DOCK1: variants seen among roughly 807,000 people sequenced by gnomAD.
DOCK1 encodes dedicator of cytokinesis protein 1.
A neutral mutation model predicts 262.7 loss-of-function variants in DOCK1; 138 were observed. The ratio of observed to expected loss-of-function variants is 0.53; its 90% CI spans 0.46 to 0.61. The LOEUF is 0.61. DOCK1 is among the 20% of genes least tolerant of loss of function. The pLI is 0.00. For missense variants in DOCK1, 1,908 were observed against 2,370.7 expected (o/e 0.80, Z 4.05); for synonymous variants, 866 against 867.4 (o/e 1.00, Z 0.03).
At chr10:127,006,112 T>C (rs2040997680) in intron 10 of DOCK1, among the ~76,000 whole-genome samples, 1 of 152,204 alleles carries the variant, frequency 6.6e-6, no homozygotes, top group South Asian at 2.1e-4. Context: ...GCATCCCACC[T>C]GTGCCTGTTT....
At chr10:127,426,149 C>A in intron 47 of DOCK1, 138 bp downstream of exon 47, 2 of 1,451,224 alleles carry the variant, frequency 1.4e-6, no homozygotes, top group Non-Finnish European at 1.9e-6. Context: ...TGAGGGAGCT[C>A]AGCCCCCTTG....
In DOCK1 at chr10:127,437,045, C is replaced by T. The variant is rs572192244; in HGVS notation, c.5061-1982C>T. 2.0e-5 allele frequency among the ~76,000 whole-genome samples: 3 copies of T among 152,258 alleles called. No homozygotes were observed. The highest frequency in any genetic ancestry group is 3.9e-4 in the East Asian group (2 of 5,186). ...GCGTGCCCTATCGCATTGTTTAATT[C>T]GCGTCTCGATTCTCCATATTCCCTG... is the stretch of plus-strand genomic sequence containing the variant. On this transcript the variant is annotated intron_variant, in intron 48 of 51. Transcript: ENST00000623213. The surrounding 1 kb of genome is among the most constrained non-coding windows in gnomAD (Gnocchi z 4.4).
chr10:127,017,376 CACAG>C (rs753293660), intron 12 of DOCK1, among the ~76,000 whole-genome samples: 9 of 151,894 alleles, frequency 5.9e-5, no homozygotes, highest in Non-Finnish European at 1.3e-4. Flanking sequence ...CAGATACAGA[CACAG>C]ACATACATAC....
intron 6 of DOCK1, among the ~76,000 whole-genome samples, chr10:126,994,111 A>G (rs2039999339): frequency 6.6e-6 from 1 of 152,152 alleles, no homozygotes. Flanking sequence ...AGAGGCACCT[A>G]TGGTTAATTT....
Position 126,905,573 on chromosome 10 carries a change from G to C in DOCK1, c.46+10G>C, listed in dbSNP as rs765269037. On this transcript the variant is annotated intron_variant, in intron 1 of 51. Coordinates refer to ENST00000623213, the MANE Select transcript of DOCK1 (RefSeq NM_001290223.2). ...GAGAAGTACGGCGTGGGTGAGCAGC[G>C]CCGCCGCCGCCGCGCCTCTCGCCCC... The C allele has an allele frequency of 1.1e-5, 4 of 366,994 alleles. No individual in the cohort carries two copies. The South Asian group carries it at 2.4e-4, about 22-fold the overall frequency. The allele number at this position is 366,994 out of a possible 1,614,324, so 22.7% of individuals were successfully genotyped here.
At chr10:127,167,116 C>G (rs1298470089) in intron 27 of DOCK1, among the ~76,000 whole-genome samples, 1 of 151,852 alleles carries the variant, frequency 6.6e-6, no homozygotes, top group Non-Finnish European at 1.5e-5. Context: ...TTTTTAAGAA[C>G]TTAAAAGTAG....
chr10:127,195,343 C>T (rs535376739), intron 27 of DOCK1, among the ~76,000 whole-genome samples: 4 of 152,306 alleles, frequency 2.6e-5, no homozygotes, highest in African/African-American at 9.6e-5. Context: ...ACGCCTGTCC[C>T]GGTCTGACTC....
At chr10:127,450,340 G>C (rs2070873530) in intron 51 of DOCK1, among the ~76,000 whole-genome samples, 1 of 152,186 alleles carries the variant, frequency 6.6e-6, no homozygotes, top group Admixed American at 6.5e-5. Flanking sequence ...CCCACACTGA[G>C]AGGCTGATAA....
intron 18 of DOCK1, among the ~76,000 whole-genome samples, chr10:127,033,110 A>C (rs2043354694): frequency 6.6e-6 from 1 of 152,218 alleles, no homozygotes; most frequent in African/African-American, 2.4e-5. Context: ...GGGTTACATG[A>C]ACAGTGGGCT....
rs558795209 is a variant in DOCK1 at position 127,409,766 on chromosome 10, C to T, written c.4343+375C>T. Among the ~76,000 whole-genome samples the T allele has an allele frequency of 2.6e-5, 4 of 152,284 alleles. No homozygotes were observed. In the South Asian group the frequency reaches 6.2e-4, roughly 24 times the overall value. ...TGTTCCCAGCAAAGCCAAGTTCATA[C>T]ATGTGAGTGTGGCCTGAATGTTTGC... On this transcript the variant is annotated intron_variant, in intron 42 of 51. Coordinates refer to ENST00000623213, the MANE Select transcript of DOCK1 (RefSeq NM_001290223.2).
chr10:127,429,366 C>A (rs1440442334), intron 47 of DOCK1, among the ~76,000 whole-genome samples: 2 of 152,116 alleles, frequency 1.3e-5, no homozygotes, highest in Non-Finnish European at 2.9e-5. Context: ...GGCAGGTCCC[C>A]TTGTCCTTCC....
chr10:126,917,543 T>C (rs1450378436), intron 1 of DOCK1, among the ~76,000 whole-genome samples: 1 of 152,146 alleles, frequency 6.6e-6, no homozygotes, highest in Admixed American at 6.5e-5. Context: ...CCGGTCACAG[T>C]CTGCAATTCC....
At chr10:127,048,461 T>C (rs2044492172) in intron 21 of DOCK1, among the ~76,000 whole-genome samples, 1 of 152,180 alleles carries the variant, frequency 6.6e-6, no homozygotes, top group Non-Finnish European at 1.5e-5. Context: ...CCTGCCTCTG[T>C]TTATCCCTTT....
At chr10:127,299,832 CT>C (rs1490620981) in intron 29 of DOCK1, among the ~76,000 whole-genome samples, 1 of 152,204 alleles carries the variant, frequency 6.6e-6, no homozygotes, top group Non-Finnish European at 1.5e-5. Flanking sequence ...TTCAACCAAG[CT>C]GTTGGAGCCC....
Position 127,375,018 on chromosome 10 carries a change from A to T in DOCK1, c.3675+804A>T, listed in dbSNP as rs560720107. Among the ~76,000 whole-genome samples, 131 of 152,382 alleles carry T rather than the reference A, an allele frequency of 8.6e-4. 1 individual carries two copies. The Middle Eastern group carries it at 0.014, about 16-fold the overall frequency. On this transcript the variant is annotated intron_variant, in intron 35 of 51. Coordinates refer to ENST00000623213, the MANE Select transcript of DOCK1 (RefSeq NM_001290223.2). ...CAGATCTGGGCACCATGGAGAACAGACGCCTGGGCGACCTTGGCTGCTGCC... is the reference window on the plus strand; with the variant it reads ...CAGATCTGGGCACCATGGAGAACAGTCGCCTGGGCGACCTTGGCTGCTGCC...
rs1471103798 is a variant in DOCK1, at chr10:127,100,438, C to T, written c.2446-5793C>T. ...CTGGCACTGGAATCCCTAGGGAAGG[C>T]GAGGCAGCGGTGGCTTCCACCAAGG... On this transcript the variant is annotated intron_variant, in intron 23 of 51. Transcript: ENST00000623213. The surrounding 1 kb of genome is among the most constrained non-coding windows in gnomAD (Gnocchi z 5.5). Among the ~76,000 whole-genome samples, 3 of 152,228 alleles carry T rather than the reference C, an allele frequency of 2.0e-5. No homozygotes were observed. Among genetic ancestry groups the T allele is most frequent in the Non-Finnish European group, 2.9e-5 (2 of 68,002 alleles).
At chr10:127,316,481 C>G (rs2062286934) in intron 29 of DOCK1, among the ~76,000 whole-genome samples, 1 of 152,248 alleles carries the variant, frequency 6.6e-6, no homozygotes, top group African/African-American at 2.4e-5. Flanking sequence ...AAAAAGCCAT[C>G]TGTGTTTTGT....
At chr10:127,390,069 C>T (rs913001050) in intron 38 of DOCK1, among the ~76,000 whole-genome samples, 3 of 151,896 alleles carry the variant, frequency 2.0e-5, no homozygotes, top group Admixed American at 6.5e-5. Flanking sequence ...CGGTCCTGTG[C>T]CTGCTTTGCC....
At chr10:127,337,844 C>T (rs2135719147) in intron 29 of DOCK1, among the ~76,000 whole-genome samples, 1 of 152,358 alleles carries the variant, frequency 6.6e-6, no homozygotes, top group African/African-American at 2.4e-5. Flanking sequence ...ATCCCTTTCT[C>T]AGAGCGGCAC....
Sources: gnomAD v4.1 joint callset for allele counts (sites outside exome capture counted in the v4.1 genomes callset) on GRCh38, gnomAD v4.1.1 for gene constraint, Gnocchi (gnomAD v3.1) non-coding constraint, MANE v1.5 for transcripts, NCBI Gene and HGNC (gene_info 2026-07-23, HGNC 2026-07-21) for gene names.